Variants in AKAP19 observed in about 807,000 individuals in gnomAD.
The protein encoded by AKAP19 is A-kinase anchoring protein 19, also known as small A-kinase anchoring protein.
At chr2:189,940,426 A>AC in the AKAP19 span, among the ~76,000 whole-genome samples, 6 of 147,308 alleles carry the variant, frequency 4.1e-5, no homozygotes, top group Non-Finnish European at 7.7e-5. Context: ...AGCCTGGGCA[A>AC]CGGGGGGGAA....
the AKAP19 span, among the ~76,000 whole-genome samples, chr2:189,959,396 CTTTA>C: frequency 2.0e-5 from 3 of 152,010 alleles, no homozygotes; most frequent in Admixed American, 1.3e-4. Context: ...AATAATTAGA[CTTTA>C]TTTAACAGAT....
the AKAP19 span, among the ~76,000 whole-genome samples, chr2:189,908,550 G>A: frequency 3.3e-5 from 5 of 152,064 alleles, no homozygotes; most frequent in South Asian, 1.0e-3. Context: ...GTTTTGACAT[G>A]GTGTGTTTTC....
At chr2:190,134,909 A>G in the AKAP19 span, among the ~76,000 whole-genome samples, 1 of 152,044 alleles carries the variant, frequency 6.6e-6, no homozygotes, top group Non-Finnish European at 1.5e-5. Flanking sequence ...TGGAGTATTT[A>G]TTATATATTC....
the AKAP19 span, among the ~76,000 whole-genome samples, chr2:190,054,546 G>A: frequency 6.6e-5 from 10 of 152,154 alleles, no homozygotes; most frequent in African/African-American, 2.4e-4. Flanking sequence ...GAGTGACCAG[G>A]CAACCTACAG....
At chr2:190,184,110 C>T in the AKAP19 span, among the ~76,000 whole-genome samples, 1 of 152,016 alleles carries the variant, frequency 6.6e-6, no homozygotes, top group African/African-American at 2.4e-5. Context: ...CAGTATCTCA[C>T]ATGGGAAGAG....
chr2:190,004,709 C>G, the AKAP19 span, among the ~76,000 whole-genome samples: 1 of 152,002 alleles, frequency 6.6e-6, no homozygotes, highest in Non-Finnish European at 1.5e-5. Context: ...ACCTCCCTTG[C>G]AAAGGAATCA....
the AKAP19 span, among the ~76,000 whole-genome samples, chr2:189,929,474 T>C: frequency 6.6e-6 from 1 of 152,180 alleles, no homozygotes; most frequent in African/African-American, 2.4e-5. Context: ...ATTATCACCA[T>C]ATTAACAACC....
the AKAP19 span, among the ~76,000 whole-genome samples, chr2:190,102,694 A>T: frequency 6.6e-6 from 1 of 151,278 alleles, no homozygotes; most frequent in South Asian, 2.1e-4. Flanking sequence ...CAGTAATAAT[A>T]AAAAAAAAGA....
At chr2:189,977,314 T>C in the AKAP19 span, among the ~76,000 whole-genome samples, 15 of 152,332 alleles carry the variant, frequency 9.8e-5, no homozygotes, top group African/African-American at 3.4e-4. Flanking sequence ...CTTGCCCTAA[T>C]AGAGCTTACA....
the AKAP19 span, among the ~76,000 whole-genome samples, chr2:189,937,276 T>C: frequency 6.6e-6 from 1 of 152,202 alleles, no homozygotes; most frequent in South Asian, 2.1e-4. Flanking sequence ...GGAAATGTTC[T>C]GTATGCTGGT....
chr2:189,903,430 T>C, the AKAP19 span, among the ~76,000 whole-genome samples: 2 of 152,104 alleles, frequency 1.3e-5, no homozygotes, highest in South Asian at 4.2e-4. Flanking sequence ...GGCAAGGTCT[T>C]GAGGATTAAA....
chr2:190,035,545 G>C, the AKAP19 span, among the ~76,000 whole-genome samples: 1 of 152,110 alleles, frequency 6.6e-6, no homozygotes, highest in African/African-American at 2.4e-5. Context: ...CTACCCCATG[G>C]GCTGTGTGCT....
the AKAP19 span, among the ~76,000 whole-genome samples, chr2:189,896,695 CTAAT>C: frequency 6.6e-6 from 1 of 151,940 alleles, no homozygotes; most frequent in Admixed American, 6.6e-5. Flanking sequence ...GATTCAGTCT[CTAAT>C]TAATTGAATT....
the AKAP19 span, among the ~76,000 whole-genome samples, chr2:190,009,935 G>A: frequency 6.6e-6 from 1 of 151,992 alleles, no homozygotes; most frequent in Middle Eastern, 3.2e-3. Flanking sequence ...GGATGAGGGA[G>A]TAACTTAAAA....
chr2:189,994,563 A>G, the AKAP19 span, among the ~76,000 whole-genome samples: 1 of 151,936 alleles, frequency 6.6e-6, no homozygotes, highest in African/African-American at 2.4e-5. Context: ...TGACCCAAAG[A>G]TCATTCTGGA....
the AKAP19 span, among the ~76,000 whole-genome samples, chr2:189,944,247 C>G: frequency 6.6e-6 from 1 of 152,074 alleles, no homozygotes; most frequent in African/African-American, 2.4e-5. Flanking sequence ...TCCATGAAGG[C>G]CTGGTGCTGT....
the AKAP19 span, among the ~76,000 whole-genome samples, chr2:190,025,941 T>C: frequency 1.1e-4 from 16 of 152,180 alleles, no homozygotes; most frequent in African/African-American, 3.1e-4. Context: ...ATCATTTATA[T>C]TTACCCCAAG....
chr2:189,892,269 T>C, the AKAP19 span, among the ~76,000 whole-genome samples: 16 of 152,246 alleles, frequency 1.1e-4, no homozygotes, highest in African/African-American at 3.4e-4. Flanking sequence ...CCAGTTTTGT[T>C]CCCTTGCTGG....
At chr2:189,983,998 T>A in the AKAP19 span, among the ~76,000 whole-genome samples, 2 of 152,024 alleles carry the variant, frequency 1.3e-5, no homozygotes, top group African/African-American at 4.8e-5. Context: ...TAGGTGTGGG[T>A]GACAGACATC....
Sources: gnomAD v4.1 joint callset for allele counts (sites outside exome capture counted in the v4.1 genomes callset) on GRCh38, gnomAD v4.1.1 for gene constraint, MANE v1.5 for transcripts, NCBI Gene and HGNC (gene_info 2026-07-23, HGNC 2026-07-21) for gene names.